MAGI2: variants seen among roughly 807,000 people sequenced by gnomAD.
MAGI2 encodes the protein membrane associated guanylate kinase, WW and PDZ domain containing 2, also known as membrane-associated guanylate kinase, WW and PDZ domain-containing protein 2.
MAGI2 carries 35 observed loss-of-function variants against 133.3 expected under a neutral mutation model. The ratio of observed to expected loss-of-function variants is 0.26; its 90% CI spans 0.20 to 0.35. The LOEUF is 0.35. MAGI2 is among the 10% of genes least tolerant of loss of function. The pLI, the probability that MAGI2 is intolerant of heterozygous loss-of-function variation, is 1.00. For missense variants in MAGI2, 1,636 were observed against 1,863.4 expected (o/e 0.88, Z 2.25); for synonymous variants, 729 against 710.6 (o/e 1.03, Z -0.41).
chr7:78,058,564 C>T (rs963321928), intron 21 of MAGI2, among the ~76,000 whole-genome samples: 3 of 151,810 alleles, frequency 2.0e-5, no homozygotes, highest in South Asian at 2.1e-4. Context: ...CTCCGCCTCC[C>T]GGGTTCAAGC....
intron 1 of MAGI2, among the ~76,000 whole-genome samples, chr7:79,254,466 G>T (rs1833547418): frequency 6.6e-6 from 1 of 151,988 alleles, no homozygotes; most frequent in Non-Finnish European, 1.5e-5. Context: ...AAGTTTTCTT[G>T]CCATTATTTT....
rs150368639 is a variant in MAGI2 at position 78,582,621 on chromosome 7, A to T, written c.538+44499T>A. On this transcript the variant is annotated intron_variant, in intron 3 of 21. Coordinates refer to ENST00000354212, the MANE Select transcript of MAGI2 (RefSeq NM_012301.4). The stretch of plus-strand genomic sequence containing the variant: ...TCTGATGCCTGAATGAACACTTGAA[A>T]GACAGCTACCTACCAGAAGCACCTG... Among the ~76,000 whole-genome samples the T allele has an allele frequency of 4.5e-3, 689 of 152,374 alleles. 5 individuals carry two copies. Among genetic ancestry groups the T allele is most frequent in the African/African-American group, 0.015 (640 of 41,594 alleles).
intron 9 of MAGI2, among the ~76,000 whole-genome samples, chr7:78,337,934 C>G (rs1423581345): frequency 7.8e-6 from 1 of 128,766 alleles, no homozygotes; most frequent in African/African-American, 3.0e-5. Context: ...CCAAGAAGTA[C>G]TTATGAGCAC....
At chr7:78,036,626 GT>G (rs34129015) in intron 21 of MAGI2, among the ~76,000 whole-genome samples, 2 of 150,052 alleles carry the variant, frequency 1.3e-5, no homozygotes, top group East Asian at 2.0e-4. Flanking sequence ...TAACTTTTTA[GT>G]TTTTTTTTTA....
intron 11 of MAGI2, among the ~76,000 whole-genome samples, chr7:78,196,504 C>T (rs374470097): frequency 7.0e-4 from 106 of 152,206 alleles, no homozygotes; most frequent in Middle Eastern, 3.2e-3. Context: ...CCTATGGCAC[C>T]GTCCTGCTTT....
At chr7:78,833,646 G>A (rs1272714312) in intron 2 of MAGI2, among the ~76,000 whole-genome samples, 2 of 152,140 alleles carry the variant, frequency 1.3e-5, no homozygotes, top group East Asian at 1.9e-4. Context: ...CTGACCAGGT[G>A]TCTCCTCACA....
intron 1 of MAGI2, among the ~76,000 whole-genome samples, chr7:79,265,618 AC>A (rs1834398162): frequency 6.6e-6 from 1 of 152,156 alleles, no homozygotes; most frequent in Non-Finnish European, 1.5e-5. Context: ...ACAATACAAA[AC>A]TATAGTCTTG....
chr7:79,305,074 G>GA (rs1027961563), intron 1 of MAGI2, among the ~76,000 whole-genome samples: 1 of 152,214 alleles, frequency 6.6e-6, no homozygotes, highest in Admixed American at 6.5e-5. Flanking sequence ...AATGTCAACA[G>GA]AAAAAATGCA....
At chr7:79,188,293 A>G (rs1012840506) in intron 1 of MAGI2, among the ~76,000 whole-genome samples, 1 of 151,490 alleles carries the variant, frequency 6.6e-6, no homozygotes, top group Admixed American at 6.6e-5. Context: ...GCCTCCCCCA[A>G]CAGACCCTAG....
Position 78,321,516 on chromosome 7 carries a change from G to A in MAGI2, c.1408+22262C>T, listed in dbSNP as rs1788001156. Among the ~76,000 whole-genome samples, 5 of 152,258 alleles carry A rather than the reference G, an allele frequency of 3.3e-5. No individual in the cohort carries two copies. The South Asian group carries it at 1.0e-3, about 32-fold the overall frequency. On this transcript the variant is annotated intron_variant, in intron 9 of 21. Transcript: ENST00000354212. ...ACAAACCTGACAAAAACAAGCAATA[G>A]GAAAAGGAATCCCTATTTAATAAAT...
intron 1 of MAGI2, among the ~76,000 whole-genome samples, chr7:79,067,132 C>A (rs2117120022): frequency 6.6e-6 from 1 of 152,142 alleles, no homozygotes; most frequent in Admixed American, 6.5e-5. Context: ...TAGTTTTATC[C>A]AATTCTGTGA....
intron 1 of MAGI2, among the ~76,000 whole-genome samples, chr7:79,013,489 T>C (rs1053822104): frequency 3.3e-5 from 5 of 152,298 alleles, no homozygotes; most frequent in Middle Eastern, 3.4e-3. Flanking sequence ...AGTTGAGGAA[T>C]AGACAGGAAA....
chr7:78,578,046 A>G (rs1458915347), intron 3 of MAGI2, among the ~76,000 whole-genome samples: 4 of 151,720 alleles, frequency 2.6e-5, no homozygotes, highest in African/African-American at 7.3e-5. Flanking sequence ...AAAAAAAAAA[A>G]AGAGACCTTC....
intron 9 of MAGI2, among the ~76,000 whole-genome samples, chr7:78,291,979 C>A (rs1341627798): frequency 6.6e-6 from 1 of 152,124 alleles, no homozygotes. Context: ...CAATATCATA[C>A]TGAATGGGCA....
At chr7:79,167,877 C>T (rs1485394136) in intron 1 of MAGI2, among the ~76,000 whole-genome samples, 7 of 152,100 alleles carry the variant, frequency 4.6e-5, no homozygotes, top group South Asian at 2.1e-4. Flanking sequence ...GACACCCATG[C>T]TGGAAGGTTG....
intron 2 of MAGI2, among the ~76,000 whole-genome samples, chr7:78,858,007 G>C (rs551447): frequency 0.99 from 150,484 of 152,336 alleles, 74,332 homozygotes; most frequent in Non-Finnish European, 1. Context: ...AGGAATTTAT[G>C]CATTTCTTCT....
intron 3 of MAGI2, among the ~76,000 whole-genome samples, chr7:78,584,548 T>C (rs1346568748): frequency 1.3e-5 from 2 of 152,048 alleles, no homozygotes; most frequent in East Asian, 3.8e-4. Flanking sequence ...AAAAGCTTTC[T>C]GCATGGCATC....
At chr7:79,233,909 G>A (rs76636861) in intron 1 of MAGI2, among the ~76,000 whole-genome samples, 1 of 151,416 alleles carries the variant, frequency 6.6e-6, no homozygotes, top group African/African-American at 2.4e-5. Context: ...TTACATTTTG[G>A]CTTGATTTTG....
chr7:79,433,678 T>C (rs1278549766), intron 1 of MAGI2, among the ~76,000 whole-genome samples: 1 of 152,176 alleles, frequency 6.6e-6, no homozygotes, highest in South Asian at 2.1e-4. Flanking sequence ...CTGGTATTGC[T>C]ATTATTAGAT....
Sources: gnomAD v4.1 joint callset for allele counts (sites outside exome capture counted in the v4.1 genomes callset) on GRCh38, gnomAD v4.1.1 for gene constraint, MANE v1.5 for transcripts, NCBI Gene and HGNC (gene_info 2026-07-23, HGNC 2026-07-21) for gene names.